Variants in PTPRD observed in about 807,000 individuals in gnomAD.
PTPRD encodes receptor-type tyrosine-protein phosphatase delta.
In PTPRD, 34 loss-of-function variants were observed where a neutral mutation model predicts 214.5. The observed-to-expected ratio is 0.16, with a 90% CI of 0.12 to 0.21. PTPRD has a LOEUF of 0.21. Ranked by LOEUF, PTPRD falls within the 10% of genes least tolerant of loss-of-function variation. The pLI, the probability that PTPRD is intolerant of heterozygous loss-of-function variation, is 1.00. For missense variants in PTPRD, 2,545 were observed against 2,398.7 expected (o/e 1.06, Z -1.27); for synonymous variants, 1,128 against 845.7 (o/e 1.33, Z -5.79).
intron 8 of PTPRD, among the ~76,000 whole-genome samples, chr9:9,459,312 T>C (rs1485227545): frequency 6.6e-6 from 1 of 152,060 alleles, no homozygotes; most frequent in Non-Finnish European, 1.5e-5. Context: ...ATGTACACTT[T>C]TACCACTCCT....
chr9:8,375,508 T>C (rs2082968366), intron 39 of PTPRD, among the ~76,000 whole-genome samples: 1 of 152,050 alleles, frequency 6.6e-6, no homozygotes, highest in African/African-American at 2.4e-5. Flanking sequence ...TCCCTAAAGC[T>C]TGTATGATAT....
At chr9:9,096,998 T>C (rs1323594733) in intron 10 of PTPRD, among the ~76,000 whole-genome samples, 2 of 152,208 alleles carry the variant, frequency 1.3e-5, no homozygotes, top group African/African-American at 2.4e-5. Flanking sequence ...ATATTATTAA[T>C]CAGCTTGAAC....
intron 34 of PTPRD, among the ~76,000 whole-genome samples, chr9:8,440,357 C>A (rs907456257): frequency 6.6e-6 from 1 of 151,742 alleles, no homozygotes; most frequent in Admixed American, 6.6e-5. Context: ...ACTCTGTTGC[C>A]CAGGCTGGAG....
chr9:10,258,200 A>G (rs13294570), intron 3 of PTPRD, among the ~76,000 whole-genome samples: 25,320 of 152,188 alleles, frequency 0.17, 2,222 homozygotes, highest in Non-Finnish European at 0.18. Context: ...GTACAGAAAG[A>G]CTGGGTAGAA....
chr9:8,870,130 A>AC (rs1418054781), intron 11 of PTPRD, among the ~76,000 whole-genome samples: 1 of 150,952 alleles, frequency 6.6e-6, no homozygotes, highest in African/African-American at 2.4e-5. Context: ...ATCAGTTAAA[A>AC]AAAAAAAAAA....
At chr9:10,135,980 T>G (rs1432671791) in intron 3 of PTPRD, among the ~76,000 whole-genome samples, 1 of 150,780 alleles carries the variant, frequency 6.6e-6, no homozygotes, top group Non-Finnish European at 1.5e-5. Flanking sequence ...GCTATTGCCT[T>G]CAAGAGACCC....
intron 14 of PTPRD, among the ~76,000 whole-genome samples, chr9:8,604,775 C>T (rs988338875): frequency 3.3e-5 from 5 of 152,128 alleles, no homozygotes; most frequent in Admixed American, 1.3e-4. Flanking sequence ...TCAAGTAAGT[C>T]TGTGAGTTTT....
intron 3 of PTPRD, among the ~76,000 whole-genome samples, chr9:10,271,078 C>A (rs34529816): frequency 0.15 from 23,523 of 151,960 alleles, 1,898 homozygotes; most frequent in Non-Finnish European, 0.17. Flanking sequence ...TTTGTTTCGG[C>A]CTCCCAAAGT....
rs775619950 is a variant in PTPRD, at chr9:10,582,714, CTACT to C, written c.-600+29680_-600+29683del. 3.9e-5 allele frequency among the ~76,000 whole-genome samples: 6 copies of C among 152,088 alleles called. No individual in the cohort carries two copies. In the East Asian group the frequency reaches 5.8e-4, roughly 15 times the overall value. ...ATCGTGTAAAAAGATAAATGCAGAC[CTACT>C]GACAAAAAAACTTATATTGTTACAG... On this transcript the variant is annotated intron_variant, in intron 2 of 45. Coordinates refer to ENST00000381196, the MANE Select transcript of PTPRD (RefSeq NM_002839.4).
intron 14 of PTPRD, among the ~76,000 whole-genome samples, chr9:8,608,450 T>A (rs1002057277): frequency 6.6e-6 from 1 of 152,170 alleles, no homozygotes; most frequent in African/African-American, 2.4e-5. Flanking sequence ...TGTGGTATAT[T>A]TTAGCGCTCC....
chr9:10,437,386 G>C (rs1301130736), intron 2 of PTPRD, among the ~76,000 whole-genome samples: 1 of 151,726 alleles, frequency 6.6e-6, no homozygotes, highest in African/African-American at 2.4e-5. Context: ...ACTGTTTAAG[G>C]TGTTGCCAGT....
chr9:8,458,649 T>A (rs928677877), intron 33 of PTPRD, among the ~76,000 whole-genome samples: 1 of 152,114 alleles, frequency 6.6e-6, no homozygotes, highest in Admixed American at 6.5e-5. Flanking sequence ...CAGCTCCTGC[T>A]TGGACTCAAA....
rs1406630742 is a variant in PTPRD at position 8,493,927 on chromosome 9, G to A, written c.2350-948C>T. On this transcript the variant is annotated intron_variant, in intron 26 of 45. Coordinates refer to ENST00000381196, the MANE Select transcript of PTPRD (RefSeq NM_002839.4). ...CTATTAGCTTATTCTAGTATTTTAAGAACAAATACCAGAGCTGCATGTACA... is the reference window on the plus strand; with the variant it reads ...CTATTAGCTTATTCTAGTATTTTAAAAACAAATACCAGAGCTGCATGTACA... 2.0e-5 allele frequency among the ~76,000 whole-genome samples: 3 copies of A among 151,674 alleles called. No individual in the cohort carries two copies. In the East Asian group the frequency reaches 5.8e-4, roughly 29 times the overall value.
intron 3 of PTPRD, among the ~76,000 whole-genome samples, chr9:10,097,578 A>C (rs1021044506): frequency 4.0e-5 from 6 of 151,774 alleles, no homozygotes; most frequent in African/African-American, 1.2e-4. Context: ...TGATTTTTGC[A>C]CATTGATTTT....
At chr9:9,508,620 T>C (rs1464098370) in intron 8 of PTPRD, among the ~76,000 whole-genome samples, 2 of 151,666 alleles carry the variant, frequency 1.3e-5, no homozygotes, top group African/African-American at 2.4e-5. Flanking sequence ...TTTTATAAAC[T>C]ATCACTTAAG....
At chr9:10,470,528 T>A (rs1485633031) in intron 2 of PTPRD, among the ~76,000 whole-genome samples, 1 of 152,142 alleles carries the variant, frequency 6.6e-6, no homozygotes, top group African/African-American at 2.4e-5. Flanking sequence ...AGGGAAATAA[T>A]TCACCCTAAC....
chr9:9,339,781 A>G (rs2046056424), intron 9 of PTPRD, among the ~76,000 whole-genome samples: 1 of 152,178 alleles, frequency 6.6e-6, no homozygotes, highest in Non-Finnish European at 1.5e-5. Flanking sequence ...CTTCAGAATG[A>G]AAGATGCTCA....
chr9:10,260,211 C>A (rs913186654), intron 3 of PTPRD, among the ~76,000 whole-genome samples: 1 of 152,214 alleles, frequency 6.6e-6, no homozygotes, highest in African/African-American at 2.4e-5. Context: ...GACCCTATAT[C>A]ATCCCCAGGG....
At chr9:9,304,799 T>C (rs1013901534) in intron 9 of PTPRD, among the ~76,000 whole-genome samples, 1 of 151,466 alleles carries the variant, frequency 6.6e-6, no homozygotes, top group African/African-American at 2.4e-5. Context: ...GACAGTCTTA[T>C]TGTTCATTCA....
Sources: gnomAD v4.1 joint callset for allele counts (sites outside exome capture counted in the v4.1 genomes callset) on GRCh38, gnomAD v4.1.1 for gene constraint, MANE v1.5 for transcripts, NCBI Gene and HGNC (gene_info 2026-07-23, HGNC 2026-07-21) for gene names.